Variants in KCNH8 observed in about 807,000 individuals in gnomAD.
The protein encoded by KCNH8 is potassium voltage-gated channel subfamily H member 8, also known as voltage-gated delayed rectifier potassium channel KCNH8.
A neutral mutation model predicts 103.6 loss-of-function variants in KCNH8; 70 were observed. That is an observed-to-expected ratio of 0.68 (90% CI 0.56 to 0.82). The LOEUF is 0.82. Ranked by LOEUF, KCNH8 falls within the 40% of genes least tolerant of loss-of-function variation. KCNH8 has a pLI of 0.00. For missense variants in KCNH8, 1,217 were observed against 1,329.9 expected, an observed-to-expected ratio of 0.92 and a Z score of 1.32; for synonymous variants, 498 against 489.4, an observed-to-expected ratio of 1.02 and a Z score of -0.23.
intron 2 of KCNH8, among the ~76,000 whole-genome samples, chr3:19,260,487 GATATATATATATAT>G (rs57661437): frequency 0.025 from 982 of 40,036 alleles, 56 homozygotes; most frequent in Admixed American, 0.16. Context: ...TACTCTATAG[GATATATATATATAT>G]ATATATATAT....
At chr3:19,365,534 A>AT (rs1252778610) in intron 5 of KCNH8, among the ~76,000 whole-genome samples, 1 of 152,014 alleles carries the variant, frequency 6.6e-6, no homozygotes, top group South Asian at 2.1e-4. Flanking sequence ...GATGATTTTG[A>AT]TTTTTTGCCA....
chr3:19,510,509 C>G (rs892968414), intron 12 of KCNH8, 108 bp downstream of exon 12: 15 of 745,214 alleles, frequency 2.0e-5, no homozygotes, highest in African/African-American at 1.9e-4. Context: ...TTTTACTTTC[C>G]CTACTTGACT....
At position 19,442,741 on chromosome 3, in the gene KCNH8, G is replaced by T. The variant is rs552004652; in HGVS notation, c.1375+4380G>T. Reference sequence around the variant, plus strand: ...GTTAAAGCTTTTCATATTTGTGTTTGTGGGGAAATAATTTTATATTATTGT... The same window carrying T: ...GTTAAAGCTTTTCATATTTGTGTTTTTGGGGAAATAATTTTATATTATTGT... On this transcript the variant is annotated intron_variant, in intron 8 of 15. Transcript: ENST00000328405. Among the ~76,000 whole-genome samples the T allele has an allele frequency of 7.2e-5, 11 of 152,200 alleles. No individual in the cohort carries two copies. In the East Asian group the frequency reaches 2.1e-3, roughly 29 times the overall value.
At chr3:19,311,275 A>G (rs1028798569) in intron 3 of KCNH8, among the ~76,000 whole-genome samples, 8 of 151,730 alleles carry the variant, frequency 5.3e-5, no homozygotes, top group Non-Finnish European at 7.4e-5. Flanking sequence ...TAATTGTCAC[A>G]AAATACCTTG....
chr3:19,342,813 C>G (rs1191758604), intron 4 of KCNH8, 99 bp downstream of exon 4: 3 of 1,231,314 alleles, frequency 2.4e-6, no homozygotes, highest in Non-Finnish European at 3.3e-6. Context: ...TATTGGCTTG[C>G]CTAGATTTTT....
At chr3:19,167,456 A>C (rs539581348) in intron 1 of KCNH8, among the ~76,000 whole-genome samples, 34 of 152,332 alleles carry the variant, frequency 2.2e-4, no homozygotes, top group African/African-American at 7.9e-4. Context: ...TAAACTGAAA[A>C]TTTATCAGTA....
intron 3 of KCNH8, among the ~76,000 whole-genome samples, chr3:19,330,347 C>T (rs900503281): frequency 2.0e-5 from 3 of 152,074 alleles, no homozygotes; most frequent in African/African-American, 7.2e-5. Context: ...TATGTACCAC[C>T]ATATCCTCAA....
chr3:19,419,523 T>A (rs1020929984), intron 7 of KCNH8, among the ~76,000 whole-genome samples: 21 of 151,954 alleles, frequency 1.4e-4, no homozygotes, highest in African/African-American at 5.1e-4. Flanking sequence ...TATGTGGCCT[T>A]CAGCCCTAAA....
chr3:19,320,510 A>G (rs752741665), intron 3 of KCNH8, among the ~76,000 whole-genome samples: 3 of 151,790 alleles, frequency 2.0e-5, no homozygotes, highest in Non-Finnish European at 1.5e-5. Context: ...ATGTATCCCT[A>G]CATTACTGGT....
chr3:19,345,350 C>T (rs768245306), intron 4 of KCNH8, among the ~76,000 whole-genome samples: 1 of 152,004 alleles, frequency 6.6e-6, no homozygotes, highest in Non-Finnish European at 1.5e-5. Flanking sequence ...TTTTCACATT[C>T]TCTTGCTCAT....
At chr3:19,343,244 C>T (rs910976635) in intron 4 of KCNH8, among the ~76,000 whole-genome samples, 10 of 152,124 alleles carry the variant, frequency 6.6e-5, no homozygotes, top group African/African-American at 1.9e-4. Flanking sequence ...GCATACCATA[C>T]GTTAAATAAT....
intron 11 of KCNH8, among the ~76,000 whole-genome samples, chr3:19,478,826 C>T (rs1183372176): frequency 6.6e-6 from 1 of 152,042 alleles, no homozygotes; most frequent in African/African-American, 2.4e-5. Context: ...AGTATGCCTT[C>T]CCCATACTGT....
chr3:19,400,519 G>T (rs2066596793), intron 7 of KCNH8, among the ~76,000 whole-genome samples: 2 of 151,848 alleles, frequency 1.3e-5, no homozygotes, highest in Admixed American at 6.6e-5. Flanking sequence ...TACTTCAAAG[G>T]TCAAAGAGTA....
intron 13 of KCNH8, among the ~76,000 whole-genome samples, chr3:19,515,095 T>C (rs1174158603): frequency 6.6e-6 from 1 of 151,824 alleles, no homozygotes; most frequent in Non-Finnish European, 1.5e-5. Context: ...TTTAACCATA[T>C]TCTTCAAAAT....
intron 11 of KCNH8, among the ~76,000 whole-genome samples, chr3:19,463,105 A>G (rs771814775): frequency 2.0e-5 from 3 of 152,172 alleles, no homozygotes; most frequent in Non-Finnish European, 2.9e-5. Context: ...TAAGTAATCT[A>G]GAGATGATTT....
intron 8 of KCNH8, 109 bp downstream of exon 8, chr3:19,438,470 G>C (rs2067233298): frequency 2.2e-6 from 2 of 916,038 alleles, no homozygotes. Context: ...ATTAACACTG[G>C]AAGATTCTAA....
chr3:19,510,492 A>AT, intron 12 of KCNH8, 91 bp downstream of exon 12: 2 of 854,190 alleles, frequency 2.3e-6, no homozygotes, highest in Non-Finnish European at 4.0e-6. Flanking sequence ...AATTTCATGT[A>AT]TTTATCTTTT....
chr3:19,489,268 G>T (rs2068271394), intron 11 of KCNH8, among the ~76,000 whole-genome samples: 1 of 152,074 alleles, frequency 6.6e-6, no homozygotes, highest in Non-Finnish European at 1.5e-5. Context: ...TTCCTGCCAT[G>T]ATTCTTCTGG....
intron 11 of KCNH8, among the ~76,000 whole-genome samples, chr3:19,482,084 T>G (rs2068097196): frequency 6.6e-6 from 1 of 151,876 alleles, no homozygotes; most frequent in Non-Finnish European, 1.5e-5. Flanking sequence ...TGTGAGAGGG[T>G]CGTGATCGAT....
Sources: gnomAD v4.1 joint callset for allele counts (sites outside exome capture counted in the v4.1 genomes callset) on GRCh38, gnomAD v4.1.1 for gene constraint, MANE v1.5 for transcripts, NCBI Gene and HGNC (gene_info 2026-07-23, HGNC 2026-07-21) for gene names.